The following CHST3 variants were observed in gnomAD, a reference collection of about 807,000 sequenced individuals.
CHST3 encodes C6ST-1.
In CHST3, 20 loss-of-function variants were observed where a neutral mutation model predicts 35.4. The ratio of observed to expected loss-of-function variants is 0.57; its 90% CI spans 0.40 to 0.82. The LOEUF (loss-of-function observed/expected upper bound fraction) is 0.82. Among genes scored for constraint, CHST3 ranks in the 40% least tolerant of loss-of-function variants. CHST3 has a pLI of 0.00. For synonymous variants in CHST3, 334 were observed against 295.9 expected (o/e 1.13, Z -1.32); for missense variants, 693 against 670.1 (o/e 1.03, Z -0.38).
chr10:71,976,012 C>T (rs1839741586), intron 1 of CHST3, among the ~76,000 whole-genome samples: 1 of 152,264 alleles, frequency 6.6e-6, no homozygotes. Context: ...TGGCCAGTTT[C>T]TTCCTGGAGG....
rs1034905438 is a variant in CHST3, at chr10:72,008,023, A to G, written c.992A>G (p.Asp331Gly). Residue 331 changes from aspartate (D) to glycine (G), a missense_variant, in exon 3 of 3, where the codon GAC becomes GGC. Physicochemically the swap from Asp to Gly is moderately conservative, Grantham distance 94. Coordinates refer to ENST00000373115, the MANE Select transcript of CHST3 (RefSeq NM_004273.5). Reference protein sequence around the residue: ...WKKWLDDEGQDGLREEEVQRL... With the variant: ...WKKWLDDEGQGGLREEEVQRL... ...AAGTGGCTGGACGACGAGGGCCAGG[A>G]CGGCCTGAGGGAAGAGGAGGTGCAG... is the stretch of plus-strand genomic sequence containing the variant. 1 of 1,549,496 alleles carries G rather than the reference A, an allele frequency of 6.5e-7. No homozygotes were observed.
intron 1 of CHST3, 78 bp downstream of exon 1, chr10:71,964,772 G>A (rs1218603416): frequency 6.6e-6 from 1 of 152,326 alleles, no homozygotes; most frequent in African/African-American, 2.4e-5. Flanking sequence ...CGCCTTCCGC[G>A]TCCAGGCGCG....
chr10:71,978,283 T>C (rs1022822177), intron 1 of CHST3, among the ~76,000 whole-genome samples: 1 of 152,016 alleles, frequency 6.6e-6, no homozygotes, highest in African/African-American at 2.4e-5. Flanking sequence ...GGAGAATCTC[T>C]TGAACCAGGG....
At chr10:71,969,352 G>A (rs2096294349) in intron 1 of CHST3, among the ~76,000 whole-genome samples, 1 of 152,236 alleles carries the variant, frequency 6.6e-6, no homozygotes, top group South Asian at 2.1e-4. Flanking sequence ...GGACAGCCAC[G>A]TTTTCAGTCG....
rs1179589233 is a variant in CHST3 at position 72,005,828 on chromosome 10, G to GCCC, written c.-13_-11dup. On this transcript the variant is annotated 5_prime_UTR_variant, in exon 2 of 3. Coordinates refer to ENST00000373115, the MANE Select transcript of CHST3 (RefSeq NM_004273.5). ...AAGGCTGGCCCGAGGAGCCCCCACG[G>GCCC]CCCCACCTTTCCCCATGGAGAAAGG... is the stretch of plus-strand genomic sequence containing the variant. The GCCC allele has an allele frequency of 1.2e-6, 2 of 1,614,060 alleles. No individual in the cohort carries two copies. Among genetic ancestry groups the GCCC allele is most frequent in the African/African-American group, 2.7e-5 (2 of 74,936 alleles).
At chr10:71,971,891 A>G (rs919804179) in intron 1 of CHST3, among the ~76,000 whole-genome samples, 1 of 152,148 alleles carries the variant, frequency 6.6e-6, no homozygotes, top group Non-Finnish European at 1.5e-5. Flanking sequence ...AAGCAGTGTC[A>G]CCCACCAGAG....
intron 1 of CHST3, among the ~76,000 whole-genome samples, chr10:71,988,739 A>G (rs1219713498): frequency 1.3e-5 from 2 of 152,142 alleles, no homozygotes; most frequent in East Asian, 3.8e-4. Context: ...CTATCTATAC[A>G]CACAGCAGAC....
intron 1 of CHST3, among the ~76,000 whole-genome samples, chr10:71,985,015 T>C (rs1589501100): frequency 6.6e-6 from 1 of 152,214 alleles, no homozygotes; most frequent in Non-Finnish European, 1.5e-5. Flanking sequence ...TTCTCCTCCT[T>C]CCTGCCGCAG....
chr10:72,002,179 G>C (rs1839998652), intron 1 of CHST3, among the ~76,000 whole-genome samples: 1 of 152,222 alleles, frequency 6.6e-6, no homozygotes, highest in Non-Finnish European at 1.5e-5. Context: ...CCAACAGCCT[G>C]CCTGGGTTTC....
At chr10:71,974,906 G>A (rs1430240742) in intron 1 of CHST3, among the ~76,000 whole-genome samples, 1 of 152,136 alleles carries the variant, frequency 6.6e-6, no homozygotes, top group South Asian at 2.1e-4. Flanking sequence ...CACTGCTGAG[G>A]CAGAAGCTTC....
intron 1 of CHST3, among the ~76,000 whole-genome samples, chr10:71,975,468 A>G (rs1452200047): frequency 1.3e-5 from 2 of 152,260 alleles, no homozygotes; most frequent in Non-Finnish European, 2.9e-5. Context: ...CAGGAAGTAC[A>G]GGGAGTTTTC....
rs1840036203 is a variant in CHST3, at chr10:72,006,078, C to T, written c.140+96C>T. On this transcript the variant is annotated intron_variant, in intron 2 of 2. Coordinates refer to ENST00000373115, the MANE Select transcript of CHST3 (RefSeq NM_004273.5). ...AGGGCTCTCTGTGGACCTGCAAATG[C>T]ATTCCTTCAACGAGCCATCCCCAGG... 5 of 1,499,250 alleles carry T rather than the reference C, an allele frequency of 3.3e-6. No individual in the cohort carries two copies. In the South Asian group the frequency reaches 3.4e-5, roughly 10 times the overall value. The allele number at this position is 1,499,250 out of a possible 1,614,324, so 92.9% of individuals were successfully genotyped here. A position where few individuals can be genotyped will look rare whatever the true frequency, so the allele number is the denominator to read the frequency against.
chr10:71,970,257 C>T (rs7898082), intron 1 of CHST3, among the ~76,000 whole-genome samples: 2 of 152,264 alleles, frequency 1.3e-5, no homozygotes, highest in East Asian at 1.9e-4. Context: ...CCCTCACCCC[C>T]CACCACCTCC....
chr10:72,007,341 G>A lies in CHST3; in HGVS notation c.310G>A (p.Glu104Lys). 2 of 1,609,816 alleles carry A rather than the reference G, an allele frequency of 1.2e-6. No homozygotes were observed. The highest frequency in any genetic ancestry group is 1.7e-6 in the Non-Finnish European group (2 of 1,178,170). ...CAACCTCAGCTTGCAGCTGGGCGTG[G>A]AGCCAGCCATGGAGGCCGCAGGGGA... ...LRNLSLQLGV[E>K]PAMEAAGEEE... The change falls in exon 3 of 3, where the codon GAG (glutamate) becomes AAG (lysine). Residue 104 changes from glutamate to lysine, a missense_variant. Coordinates refer to ENST00000373115, the MANE Select transcript of CHST3 (RefSeq NM_004273.5).
At chr10:71,973,562 C>T (rs960852487) in intron 1 of CHST3, among the ~76,000 whole-genome samples, 1 of 152,232 alleles carries the variant, frequency 6.6e-6, no homozygotes, top group Non-Finnish European at 1.5e-5. Flanking sequence ...AGCTGTCTGT[C>T]CTTGCAAAAG....
chr10:71,985,086 A>G (rs1161934840), intron 1 of CHST3, among the ~76,000 whole-genome samples: 1 of 152,246 alleles, frequency 6.6e-6, no homozygotes, highest in Non-Finnish European at 1.5e-5. Flanking sequence ...GAGCCGTTCA[A>G]AGATAACCCA....
chr10:71,997,284 T>C (rs1197678687), intron 1 of CHST3, among the ~76,000 whole-genome samples: 1 of 152,128 alleles, frequency 6.6e-6, no homozygotes, highest in Non-Finnish European at 1.5e-5. Context: ...GGGTACCTCA[T>C]AGATAAGTGA....
At chr10:72,006,346 C>T (rs1294274764) in intron 2 of CHST3, among the ~76,000 whole-genome samples, 3 of 152,222 alleles carry the variant, frequency 2.0e-5, no homozygotes, top group Non-Finnish European at 1.5e-5. Flanking sequence ...AAGCATTTAG[C>T]CCACTGCCTG....
chr10:72,002,976 G>A (rs1840007681), intron 1 of CHST3, among the ~76,000 whole-genome samples: 1 of 152,204 alleles, frequency 6.6e-6, no homozygotes, highest in Admixed American at 6.5e-5. Context: ...GCTAGGTTGG[G>A]GGTCCCCAAG....
Sources: gnomAD v4.1 joint callset for allele counts (sites outside exome capture counted in the v4.1 genomes callset) on GRCh38, gnomAD v4.1.1 for gene constraint, MANE v1.5 for transcripts, NCBI Gene and HGNC (gene_info 2026-07-23, HGNC 2026-07-21) for gene names.